The following CCDC125 variants were observed in gnomAD, a reference collection of about 807,000 sequenced individuals.
The protein encoded by CCDC125 is coiled-coil domain containing 125.
In CCDC125, 43 loss-of-function variants were observed where a neutral mutation model predicts 57.4. The ratio of observed to expected loss-of-function variants is 0.75; its 90% CI spans 0.59 to 0.97. The LOEUF is 0.97. Among genes scored for constraint, CCDC125 ranks in the 50% least tolerant of loss-of-function variants. The pLI is 0.00. For synonymous variants in CCDC125, 187 were observed against 195.2 expected, an observed-to-expected ratio of 0.96 and a Z score of 0.35; for missense variants, 563 against 595.7, an observed-to-expected ratio of 0.95 and a Z score of 0.57.
intron 7 of CCDC125, 44 bp from the exon 8 acceptor site, chr5:69,300,171 TC>T: frequency 7.6e-7 from 1 of 1,319,330 alleles, no homozygotes; most frequent in Non-Finnish European, 1.1e-6. Flanking sequence ...GAAGCCTAAC[TC>T]CACCCTCATC....
In CCDC125 at chr5:69,317,533, C is replaced by T. The variant is rs577802828; in HGVS notation, c.304+2704G>A. 2.8e-3 allele frequency among the ~76,000 whole-genome samples: 429 copies of T among 152,298 alleles called. 1 individual carries two copies. Among genetic ancestry groups the T allele is most frequent in the Non-Finnish European group, 3.4e-3 (233 of 68,018 alleles). ...GAAACCATGTTTCTTAAATCACTCTCATGTTGTTCTAATTTGTGTTTGTTC... is the reference window on the plus strand; with the variant it reads ...GAAACCATGTTTCTTAAATCACTCTTATGTTGTTCTAATTTGTGTTTGTTC... On this transcript the variant is annotated intron_variant, in intron 2 of 11. Transcript: ENST00000396496.
intron 1 of CCDC125, among the ~76,000 whole-genome samples, chr5:69,330,929 T>C (rs2043759422): frequency 2.0e-5 from 3 of 152,108 alleles, no homozygotes; most frequent in Admixed American, 2.0e-4. Flanking sequence ...AACCGAATGA[T>C]GTCTCTCTCT....
chr5:69,294,663 A>AT, intron 9 of CCDC125, 130 bp downstream of exon 9: 1 of 741,482 alleles, frequency 1.3e-6, no homozygotes, highest in Admixed American at 2.4e-5. Flanking sequence ...ATGCTATCAC[A>AT]TAAAAACTAA....
intron 8 of CCDC125, among the ~76,000 whole-genome samples, chr5:69,298,217 T>C (rs1755735677): frequency 6.6e-6 from 1 of 152,002 alleles, no homozygotes; most frequent in Admixed American, 6.6e-5. Context: ...GGTTTCATCA[T>C]GTTGGCCAGG....
Position 69,311,201 on chromosome 5 carries a change from C to T in CCDC125, c.370G>A (p.Val124Ile). Residue 124 changes from valine to isoleucine, a missense_variant, in exon 4 of 12, where the codon GTA (valine) becomes ATA (isoleucine). Coordinates refer to ENST00000396496, the MANE Select transcript of CCDC125 (RefSeq NM_176816.5). ...RQCLNETLEE[V>I]EMLKTELEAS... is the part of the protein sequence containing the mutation. ...TCAAGTTCAGTTTTTAACATTTCTA[C>T]CTCCTGAGGACAGAAAGAAAATTAG... The T allele has an allele frequency of 6.3e-7, 1 of 1,595,728 alleles. No individual in the cohort carries two copies. Among genetic ancestry groups the T allele is most frequent in the South Asian group, 1.1e-5 (1 of 90,178 alleles).
rs144865267 is a variant in CCDC125, at chr5:69,307,410, C to T, written c.532-508G>A. 2.6e-3 allele frequency among the ~76,000 whole-genome samples: 400 copies of T among 152,086 alleles called. 1 individual carries two copies. The highest frequency in any genetic ancestry group is 8.3e-3 in the African/African-American group (343 of 41,494). On this transcript the variant is annotated intron_variant, in intron 5 of 11. Transcript: ENST00000396496. ...TTTAAGAAGAAAAATGGGCTGGGCACGGTGTCTCACGCCTGTAATCCCAGC... is the reference window on the plus strand; with the variant it reads ...TTTAAGAAGAAAAATGGGCTGGGCATGGTGTCTCACGCCTGTAATCCCAGC...
intron 10 of CCDC125, among the ~76,000 whole-genome samples, chr5:69,286,222 ATAT>A (rs1753378379): frequency 2.1e-5 from 2 of 95,432 alleles, no homozygotes; most frequent in African/African-American, 7.5e-5. Context: ...ATATATATAT[ATAT>A]ATATATATAA....
chr5:69,330,338 T>G (rs1035011547), intron 1 of CCDC125, among the ~76,000 whole-genome samples: 7 of 152,194 alleles, frequency 4.6e-5, no homozygotes, highest in African/African-American at 1.7e-4. Context: ...GGCTCATGCC[T>G]GTAATCCCAG....
chr5:69,289,106 A>T (rs1753988059), intron 10 of CCDC125, among the ~76,000 whole-genome samples: 1 of 152,242 alleles, frequency 6.6e-6, no homozygotes, highest in Non-Finnish European at 1.5e-5. Flanking sequence ...CAGGCCTTGC[A>T]GGCAGGTGAC....
chr5:69,292,256 A>G lies in CCDC125; in HGVS notation c.1031T>C (p.Leu344Ser), dbSNP rs140561060. Reference sequence around the variant, plus strand: ...TTTATGCATTTTATCCATTTGTGTCAATTGTAGTGCCTGGTCATTTTTTCT... The same window carrying G: ...TTTATGCATTTTATCCATTTGTGTCGATTGTAGTGCCTGGTCATTTTTTCT... ...LMRKNDQALQ[L>S]TQMDKMHKKA... The change falls in exon 10 of 12, where the codon TTG (leucine) becomes TCG (serine). Residue 344 changes from leucine to serine, a missense_variant. Transcript: ENST00000396496. 182 of 1,613,602 alleles carry G rather than the reference A, an allele frequency of 1.1e-4. No homozygotes were observed. The highest frequency in any genetic ancestry group is 1.4e-4 in the Non-Finnish European group (163 of 1,179,890).
intron 2 of CCDC125, among the ~76,000 whole-genome samples, chr5:69,315,776 A>G (rs1415603586): frequency 4.3e-5 from 6 of 138,942 alleles, no homozygotes; most frequent in Non-Finnish European, 6.3e-5. Flanking sequence ...AAAAAAAAAA[A>G]AAGAAACCAA....
intron 8 of CCDC125, among the ~76,000 whole-genome samples, chr5:69,297,526 A>G (rs1208208879): frequency 1.3e-5 from 2 of 149,532 alleles, no homozygotes; most frequent in Non-Finnish European, 3.0e-5. Context: ...CGCCCAGCTA[A>G]TTTTGTATTT....
intron 11 of CCDC125, among the ~76,000 whole-genome samples, chr5:69,284,624 T>C (rs1753017009): frequency 6.6e-6 from 1 of 152,084 alleles, no homozygotes; most frequent in Admixed American, 6.5e-5. Context: ...ATCATGAAGG[T>C]AGAGTCTGGT....
chr5:69,317,677 T>C (rs935708486), intron 2 of CCDC125, among the ~76,000 whole-genome samples: 1 of 152,234 alleles, frequency 6.6e-6, no homozygotes, highest in Admixed American at 6.5e-5. Context: ...CCCGATCATT[T>C]TGGAGTTGTA....
intron 8 of CCDC125, among the ~76,000 whole-genome samples, chr5:69,295,389 A>G (rs1394522151): frequency 1.3e-5 from 2 of 151,906 alleles, no homozygotes; most frequent in Non-Finnish European, 2.9e-5. Context: ...CTCCACTCCT[A>G]AAAAAAATAA....
At chr5:69,286,569 C>T (rs976671421) in intron 10 of CCDC125, among the ~76,000 whole-genome samples, 1 of 151,964 alleles carries the variant, frequency 6.6e-6, no homozygotes, top group Admixed American at 6.6e-5. Flanking sequence ...ACGACAACAA[C>T]AAAAAATACC....
In CCDC125 at chr5:69,311,173, G is replaced by C; in HGVS notation, c.398C>G (p.Ala133Gly). 1.2e-6 allele frequency: 2 copies of C among 1,610,606 alleles called. No homozygotes were observed. The highest frequency in any genetic ancestry group is 3.3e-4 in the Middle Eastern group (2 of 6,044). Reference sequence around the variant, plus strand: ...TTTACCTCTGAGTTGTCTTTGAGATGCCTCAAGTTCAGTTTTTAACATTTC... The same window carrying C: ...TTTACCTCTGAGTTGTCTTTGAGATCCCTCAAGTTCAGTTTTTAACATTTC... The part of the protein sequence containing the change: ...EVEMLKTELE[A>G]SQRQLRGKEE... Residue 133 changes from alanine to glycine, a missense_variant, in exon 4 of 12, where the codon GCA becomes GGA. Coordinates refer to ENST00000396496, the MANE Select transcript of CCDC125 (RefSeq NM_176816.5).
intron 1 of CCDC125, among the ~76,000 whole-genome samples, chr5:69,320,905 G>A (rs1005540804): frequency 1.3e-5 from 2 of 152,036 alleles, no homozygotes; most frequent in Non-Finnish European, 2.9e-5. Flanking sequence ...AAAACATTAT[G>A]CTAAGTGTAA....
At chr5:69,287,349 TG>T (rs1753684627) in intron 10 of CCDC125, among the ~76,000 whole-genome samples, 1 of 151,278 alleles carries the variant, frequency 6.6e-6, no homozygotes, top group Non-Finnish European at 1.5e-5. Flanking sequence ...CCACAACCTC[TG>T]CCTCCCGGGT....
Sources: gnomAD v4.1 joint callset for allele counts (sites outside exome capture counted in the v4.1 genomes callset) on GRCh38, gnomAD v4.1.1 for gene constraint, MANE v1.5 for transcripts, NCBI Gene and HGNC (gene_info 2026-07-23, HGNC 2026-07-21) for gene names.